Variants in ADGRE3 observed in about 807,000 individuals in gnomAD.
ADGRE3 encodes the protein adhesion G protein-coupled receptor E3.
ADGRE3 carries 88 observed loss-of-function variants against 80.1 expected under a neutral mutation model. The ratio of observed to expected loss-of-function variants is 1.10; its 90% CI spans 0.93 to 1.31. ADGRE3 has a LOEUF of 1.31. Among genes scored for constraint, ADGRE3 ranks in the 40% most tolerant of loss-of-function variants. The pLI is 0.00. For synonymous variants in ADGRE3, 281 were observed against 294.8 expected, an observed-to-expected ratio of 0.95 and a Z score of 0.48; for missense variants, 715 against 776.5, an observed-to-expected ratio of 0.92 and a Z score of 0.94.
intron 2 of ADGRE3, among the ~76,000 whole-genome samples, chr19:14,668,071 T>C (rs62124058): frequency 0.047 from 7,149 of 152,078 alleles, 231 homozygotes; most frequent in Middle Eastern, 0.092. Context: ...CTGGGTGTCA[T>C]GGTGAAACCC....
At chr19:14,606,666 C>T in the ADGRE3 span, among the ~76,000 whole-genome samples, 2 of 143,794 alleles carry the variant, frequency 1.4e-5, no homozygotes, top group East Asian at 2.0e-4. Context: ...GGTGACAGAG[C>T]GAGACTCCCT....
chr19:14,647,128 G>T (rs942361896), intron 8 of ADGRE3, 53 bp downstream of exon 8: 1 of 1,467,612 alleles, frequency 6.8e-7, no homozygotes, highest in Non-Finnish European at 9.5e-7. Context: ...TACACACATC[G>T]TTTGGCCTGC....
the ADGRE3 span, among the ~76,000 whole-genome samples, chr19:14,600,362 G>T: frequency 2.6e-5 from 4 of 152,168 alleles, no homozygotes; most frequent in African/African-American, 9.7e-5. Flanking sequence ...GACATGCTTT[G>T]TTTTTGAGTT....
At chr19:14,669,775 C>T (rs1051419752) in intron 1 of ADGRE3, among the ~76,000 whole-genome samples, 2 of 152,112 alleles carry the variant, frequency 1.3e-5, no homozygotes, top group African/African-American at 4.8e-5. Context: ...CGGGCATGAG[C>T]CACTCTGCCC....
intron 4 of ADGRE3, among the ~76,000 whole-genome samples, chr19:14,660,053 C>T (rs963741987): frequency 2.0e-5 from 3 of 151,774 alleles, no homozygotes; most frequent in African/African-American, 7.3e-5. Flanking sequence ...TATAGGAAAC[C>T]GTATTTATTG....
chr19:14,639,788 T>A (rs1479255971), intron 10 of ADGRE3, among the ~76,000 whole-genome samples: 1 of 152,156 alleles, frequency 6.6e-6, no homozygotes, highest in Non-Finnish European at 1.5e-5. Context: ...CTCCCCCTAT[T>A]TGCCTAAAAG....
At chr19:14,671,484 C>A (rs1248253602) in intron 1 of ADGRE3, among the ~76,000 whole-genome samples, 7 of 152,014 alleles carry the variant, frequency 4.6e-5, no homozygotes, top group East Asian at 1.9e-4. Context: ...TATATTAGGC[C>A]CCCTGGAAAA....
intron 10 of ADGRE3, among the ~76,000 whole-genome samples, chr19:14,641,171 C>T (rs1292501507): frequency 6.6e-6 from 1 of 152,150 alleles, no homozygotes; most frequent in Non-Finnish European, 1.5e-5. Flanking sequence ...GAGAATGCCT[C>T]GTTACCTGGG....
chr19:14,603,949 T>C, the ADGRE3 span, among the ~76,000 whole-genome samples: 22 of 152,214 alleles, frequency 1.4e-4, no homozygotes, highest in Non-Finnish European at 2.5e-4. Context: ...AAGAGTCTTC[T>C]GGTTTTCTGG....
chr19:14,611,893 AC>A, the ADGRE3 span, among the ~76,000 whole-genome samples: 1 of 152,112 alleles, frequency 6.6e-6, no homozygotes, highest in Non-Finnish European at 1.5e-5. Flanking sequence ...AATCCCAGCT[AC>A]TCAGGAGACT....
chr19:14,636,182 T>TTTCC (rs1168729185), intron 11 of ADGRE3, among the ~76,000 whole-genome samples: 1 of 7,996 alleles, frequency 1.3e-4, no homozygotes, highest in African/African-American at 6.9e-4. Flanking sequence ...CTTTCCTTCC[T>TTTCC]CTTTCTTTCT....
intron 6 of ADGRE3, among the ~76,000 whole-genome samples, chr19:14,652,637 T>G (rs377527388): frequency 7.5e-4 from 113 of 151,626 alleles, no homozygotes; most frequent in African/African-American, 2.7e-3. Context: ...AATTAGCTGG[T>G]CATGGTGGCA....
chr19:14,664,684 C>G (rs113211674), intron 2 of ADGRE3, among the ~76,000 whole-genome samples: 6,581 of 151,962 alleles, frequency 0.043, 158 homozygotes, highest in East Asian at 0.1. Context: ...ACTGCAGCCT[C>G]GGCGACAGAG....
At chr19:14,609,895 A>C in the ADGRE3 span, among the ~76,000 whole-genome samples, 3 of 152,142 alleles carry the variant, frequency 2.0e-5, no homozygotes, top group Non-Finnish European at 4.4e-5. Flanking sequence ...ATTAAGGGCC[A>C]GGCACGGTGG....
intron 1 of ADGRE3, among the ~76,000 whole-genome samples, chr19:14,671,539 T>C (rs375704479): frequency 6.6e-6 from 1 of 152,192 alleles, no homozygotes; most frequent in Non-Finnish European, 1.5e-5. Context: ...TTAATCAACA[T>C]CTGCAAAGTT....
chr19:14,674,463 C>T (rs1157170180), intron 1 of ADGRE3, among the ~76,000 whole-genome samples: 1 of 152,120 alleles, frequency 6.6e-6, no homozygotes, highest in East Asian at 1.9e-4. Flanking sequence ...CGCCACTGCA[C>T]TCCAACCTGG....
At chr19:14,617,905 T>C (rs1007403320), downstream of ADGRE3, among the ~76,000 whole-genome samples, 1 of 152,138 alleles carries the variant, frequency 6.6e-6, no homozygotes, top group African/African-American at 2.4e-5. Context: ...AGACAGGTGC[T>C]AAAGAAAAAT....
Position 14,663,532 on chromosome 19 carries a change from C to G in ADGRE3, c.85G>C (p.Ala29Pro). ...AVTQKTKTSC[A>P]KCPPNASCVN... ...CAGGAAGCATTTGGGGGGCACTTAG[C>G]ACAGGAAGCTGCAGGGAGAAGAGAG... Residue 29 changes from alanine (A) to proline (P), a missense_variant, in exon 3 of 16, where the codon GCT becomes CCT. Transcript: ENST00000253673. 6.2e-7 allele frequency: 1 copy of G among 1,612,704 alleles called. No homozygotes were observed. The highest frequency in any genetic ancestry group is 8.5e-7 in the Non-Finnish European group (1 of 1,179,108).
Position 14,620,562 on chromosome 19 carries a change from ATATATATTTTTTTTTTTTTTT to A in ADGRE3, c.1921-1112_1921-1092del, listed in dbSNP as rs1568471640. Among the ~76,000 whole-genome samples the A allele has an allele frequency of 4.6e-3, 101 of 22,060 alleles. 6 individuals are homozygous for A. The highest frequency in any genetic ancestry group is 0.019 in the East Asian group (15 of 792). 14.5% of individuals were successfully genotyped at this position (22,060 alleles called of 152,430 possible). Reference sequence around the variant, plus strand: ...TTATATATATATTATATATATATATATATATATTTTTTTTTTTTTTTTTTTTTTTTTTTTTGAGACAGGGTT... The same window carrying A: ...TTATATATATATTATATATATATATATTTTTTTTTTTTTTGAGACAGGGTT... On this transcript the variant is annotated intron_variant, in intron 15 of 15. Transcript: ENST00000253673.
Sources: allele counts gnomAD v4.1 joint callset (sites outside exome capture counted in the v4.1 genomes callset), GRCh38; gene constraint gnomAD v4.1.1; transcripts MANE v1.5; gene names NCBI Gene and HGNC (gene_info 2026-07-23, HGNC 2026-07-21).